Variants in CYLD observed in about 807,000 individuals in gnomAD.
CYLD encodes ubiquitin carboxyl-terminal hydrolase CYLD.
Under a neutral mutation model 104.5 loss-of-function variants are expected in CYLD, and 26 were observed. The observed-to-expected ratio is 0.25, with a 90% confidence interval of 0.18 to 0.35. CYLD has a LOEUF of 0.35. Among genes scored for constraint, CYLD ranks in the 10% least tolerant of loss-of-function variants. The pLI is 1.00. For missense variants in CYLD, 703 were observed against 1,136.1 expected (o/e 0.62, Z 5.48); for synonymous variants, 385 against 399.9 (o/e 0.96, Z 0.45).
chr16:50,793,147 C>CACAT (rs1555510735), intron 16 of CYLD, among the ~76,000 whole-genome samples: 2 of 149,330 alleles, frequency 1.3e-5, no homozygotes, highest in African/African-American at 5.1e-5. Context: ...CACACACACA[C>CACAT]ATGCATATAT....
At chr16:50,753,474 G>C (rs1451197561) in intron 4 of CYLD, among the ~76,000 whole-genome samples, 1 of 152,180 alleles carries the variant, frequency 6.6e-6, no homozygotes, top group African/African-American at 2.4e-5. Flanking sequence ...GAGGCAAGCT[G>C]CCTAGAGATT....
At chr16:50,765,402 T>C (rs1336409529) in intron 5 of CYLD, among the ~76,000 whole-genome samples, 1 of 152,206 alleles carries the variant, frequency 6.6e-6, no homozygotes, top group Non-Finnish European at 1.5e-5. Flanking sequence ...ATGTTGTGTG[T>C]ATTCTGACTG....
intron 5 of CYLD, among the ~76,000 whole-genome samples, chr16:50,766,304 G>GT (rs1263260110): frequency 6.6e-6 from 1 of 152,178 alleles, no homozygotes; most frequent in Non-Finnish European, 1.5e-5. Context: ...CAACACATGT[G>GT]TTTATAGCAT....
At chr16:50,754,201 G>T in intron 4 of CYLD, 118 bp from the exon 5 acceptor site, 2 of 733,806 alleles carry the variant, frequency 2.7e-6, no homozygotes. Flanking sequence ...TTTCTTTTAG[G>T]TAAAATTGTT....
At chr16:50,788,864 T>C (rs1471150517) in intron 14 of CYLD, among the ~76,000 whole-genome samples, 1 of 152,228 alleles carries the variant, frequency 6.6e-6, no homozygotes, top group Non-Finnish European at 1.5e-5. Flanking sequence ...AAATCAATTT[T>C]ATTGAGATAG....
intron 12 of CYLD, chr16:50,784,896 C>G (rs1270624756): frequency 5.7e-6 from 1 of 174,986 alleles, no homozygotes; most frequent in African/African-American, 2.4e-5. Context: ...GTGTTTAATA[C>G]TTTGGACTAG....
rs930659820 is a variant in CYLD at position 50,752,730 on chromosome 16, C to T, written c.807+824C>T. Among the ~76,000 whole-genome samples, 8 of 152,270 alleles carry T rather than the reference C, an allele frequency of 5.3e-5. No homozygotes were observed. The South Asian group carries it at 8.3e-4, about 16-fold the overall frequency. ...TTCTGATTTCTCTGTCTGAATTTGC[C>T]GGTTCTAGGCTCCTCATAAGAGTGG... On this transcript the variant is annotated intron_variant, in intron 4 of 18. Coordinates refer to ENST00000427738, the MANE Select transcript of CYLD (RefSeq NM_001378743.1).
rs2150897212 is a variant in CYLD at position 50,750,088 on chromosome 16, T to C, written c.390T>C (p.Pro130=). 2 of 1,614,172 alleles carry C rather than the reference T, an allele frequency of 1.2e-6. No individual in the cohort carries two copies. The highest frequency in any genetic ancestry group is 2.2e-5 in the East Asian group (1 of 44,880). Residue 130 remains proline, a synonymous_variant, in exon 3 of 19, where the codon CCT becomes CCC. Transcript: ENST00000427738. The part of the protein sequence containing the change: ...SKGLQIDVGC[P]VKVQLRSGEE... ...GCCTCCAAATAGACGTGGGCTGTCC[T>C]GTGAAAGTACAGCTGAGATCTGGGG...
rs1469014149 is a variant in CYLD, at chr16:50,799,372, C to G, written c.*2864C>G. Reference sequence around the variant, plus strand: ...AGCAGTGTTATCATACATAGAGAGGCTAAATGTGTCCCATCCCTCACTGTC... The same window carrying G: ...AGCAGTGTTATCATACATAGAGAGGGTAAATGTGTCCCATCCCTCACTGTC... On this transcript the variant is annotated 3_prime_UTR_variant, in exon 19 of 19. Transcript: ENST00000427738. The G allele has an allele frequency of 8.6e-6, 2 of 233,442 alleles. No individual in the cohort carries two copies. Among genetic ancestry groups the G allele is most frequent in the Non-Finnish European group, 1.7e-5 (2 of 118,008 alleles). 14.5% of individuals were successfully genotyped at this position (233,442 alleles called of 1,614,324 possible). A position where few individuals can be genotyped will look rare whatever the true frequency, so the allele number is the denominator to read the frequency against.
chr16:50,765,096 A>G (rs868429789), intron 5 of CYLD, among the ~76,000 whole-genome samples: 2 of 152,212 alleles, frequency 1.3e-5, no homozygotes, highest in Admixed American at 6.5e-5. Flanking sequence ...AAATACAGGC[A>G]TACCTAATTT....
At chr16:50,779,503 G>C (rs967903373) in intron 8 of CYLD, among the ~76,000 whole-genome samples, 162 bp from the exon 9 acceptor site, 1 of 152,088 alleles carries the variant, frequency 6.6e-6, no homozygotes. Flanking sequence ...AGAGGAGCGA[G>C]AACACTGTTG....
At position 50,742,764 on chromosome 16, in the gene CYLD, T is replaced by G. The variant is rs2150867197; in HGVS notation, c.-201T>G. On this transcript the variant is annotated splice_region_variant and 5_prime_UTR_variant, in exon 2 of 19. Coordinates refer to ENST00000427738, the MANE Select transcript of CYLD (RefSeq NM_001378743.1). ...GCGTGTTCTGCTTTTTCTTTCAGTT[T>G]CCCCCTTTCTAGGGTGAGGATGGTT... 2.5e-6 allele frequency: 1 copy of G among 398,626 alleles called. No individual in the cohort carries two copies. Among genetic ancestry groups the G allele is most frequent in the East Asian group, 3.5e-5 (1 of 28,196 alleles). 24.7% of individuals were successfully genotyped at this position (398,626 alleles called of 1,614,324 possible).
intron 15 of CYLD, 53 bp from the exon 16 acceptor site, chr16:50,792,544 G>T: frequency 7.5e-7 from 1 of 1,336,798 alleles, no homozygotes; most frequent in South Asian, 1.2e-5. Flanking sequence ...GTTTCATAGG[G>T]AAAAGTGTTT....
chr16:50,778,829 GAGT>G (rs1162436832), intron 8 of CYLD, among the ~76,000 whole-genome samples: 1 of 152,084 alleles, frequency 6.6e-6, no homozygotes, highest in African/African-American at 2.4e-5. Context: ...TGTAAAGTAT[GAGT>G]AGGATTCCTG....
intron 4 of CYLD, among the ~76,000 whole-genome samples, chr16:50,753,743 A>C (rs1966807334): frequency 1.3e-5 from 2 of 152,230 alleles, no homozygotes; most frequent in African/African-American, 4.8e-5. Flanking sequence ...GCTAGTTGGC[A>C]CTATATTAGA....
intron 8 of CYLD, 25 bp from the exon 9 acceptor site, chr16:50,779,640 T>C: frequency 1.2e-6 from 2 of 1,610,748 alleles, no homozygotes; most frequent in South Asian, 2.2e-5. Context: ...TGAATACATT[T>C]CTGTAATTAG....
chr16:50,787,736 G>T, intron 13 of CYLD, 50 bp from the exon 14 acceptor site: 1 of 987,990 alleles, frequency 1.0e-6, no homozygotes, highest in South Asian at 1.4e-5. Flanking sequence ...AAAATAAAAT[G>T]ATTTAAAAAT....
Position 50,801,020 on chromosome 16 carries a change from C to T in CYLD, c.*4512C>T, listed in dbSNP as rs1399819655. ...TTCTGCGGGTGTCAGGGGATTGCCCCTCTTGACAGAGACTAGGGTTTTAGA... is the reference window on the plus strand; with the variant it reads ...TTCTGCGGGTGTCAGGGGATTGCCCTTCTTGACAGAGACTAGGGTTTTAGA... On this transcript the variant is annotated 3_prime_UTR_variant, in exon 19 of 19. Coordinates refer to ENST00000427738, the MANE Select transcript of CYLD (RefSeq NM_001378743.1). 1 of 233,534 alleles carries T rather than the reference C, an allele frequency of 4.3e-6. No homozygotes were observed. The highest frequency in any genetic ancestry group is 1.8e-4 in the South Asian group (1 of 5,530). 14.5% of individuals were successfully genotyped at this position (233,534 alleles called of 1,614,324 possible).
intron 5 of CYLD, among the ~76,000 whole-genome samples, chr16:50,757,514 C>T (rs1014815482): frequency 2.0e-5 from 3 of 151,666 alleles, no homozygotes; most frequent in Non-Finnish European, 4.4e-5. Context: ...TGATATTTTA[C>T]TTGGCAAAAT....
Sources: gnomAD v4.1 joint callset for allele counts (sites outside exome capture counted in the v4.1 genomes callset) on GRCh38, gnomAD v4.1.1 for gene constraint, MANE v1.5 for transcripts, NCBI Gene and HGNC (gene_info 2026-07-23, HGNC 2026-07-21) for gene names.